SLC24A2: variants seen among roughly 807,000 people sequenced by gnomAD.
The protein encoded by SLC24A2 is sodium/potassium/calcium exchanger 2.
A neutral mutation model predicts 62.0 loss-of-function variants in SLC24A2; 36 were observed. That is an observed-to-expected ratio of 0.58 (90% CI 0.44 to 0.77). The LOEUF (loss-of-function observed/expected upper bound fraction) is 0.77. SLC24A2 is among the 30% of genes least tolerant of loss of function. The pLI is 0.00. For missense variants in SLC24A2, 846 were observed against 817.9 expected (o/e 1.03, Z -0.42); for synonymous variants, 358 against 294.0 (o/e 1.22, Z -2.23).
At chr9:20,159,456 T>C in the SLC24A2 span, among the ~76,000 whole-genome samples, 1 of 151,826 alleles carries the variant, frequency 6.6e-6, no homozygotes, top group East Asian at 1.9e-4. Flanking sequence ...TATTACAGAA[T>C]GAACATATTT....
chr9:20,200,897 C>T, the SLC24A2 span, among the ~76,000 whole-genome samples: 1 of 152,120 alleles, frequency 6.6e-6, no homozygotes, highest in Admixed American at 6.5e-5. Context: ...ATTTGGAGGT[C>T]ACAAGTGTGG....
At chr9:20,086,416 A>T in the SLC24A2 span, among the ~76,000 whole-genome samples, 1 of 152,030 alleles carries the variant, frequency 6.6e-6, no homozygotes, top group South Asian at 2.1e-4. Flanking sequence ...TCCAAGCCCT[A>T]ATGTGTTTGT....
chr9:19,509,018 A>T lies in SLC24A2; in HGVS notation c.*7135T>A, dbSNP rs146391548. On this transcript the variant is annotated 3_prime_UTR_variant, in exon 11 of 11. Transcript: ENST00000341998. ...AATTTAGGCATAAGGAATTATTGAT[A>T]AATTGTATACCTCTATTTCCCATTT... The T allele has an allele frequency of 2.6e-5, 4 of 152,308 alleles. No individual in the cohort carries two copies. Among genetic ancestry groups the T allele is most frequent in the African/African-American group, 9.6e-5 (4 of 41,580 alleles). 9.4% of individuals were successfully genotyped at this position (152,308 alleles called of 1,614,324 possible). A position where few individuals can be genotyped will look rare whatever the true frequency, so the allele number is the denominator to read the frequency against.
chr9:19,588,725 C>T (rs538248218), intron 5 of SLC24A2, among the ~76,000 whole-genome samples: 1 of 152,294 alleles, frequency 6.6e-6, no homozygotes, highest in East Asian at 1.9e-4. Flanking sequence ...CATTGGGAGG[C>T]TGAGTCAGGT....
chr9:20,173,518 G>A, the SLC24A2 span, among the ~76,000 whole-genome samples: 1 of 152,050 alleles, frequency 6.6e-6, no homozygotes, highest in African/African-American at 2.4e-5. Context: ...CAAATCAGTA[G>A]CTCTCCTATA....
intron 2 of SLC24A2, among the ~76,000 whole-genome samples, chr9:19,740,316 G>A (rs1821635396): frequency 1.3e-5 from 2 of 152,084 alleles, no homozygotes; most frequent in Admixed American, 1.3e-4. Flanking sequence ...GTCAAGAGCT[G>A]GAAATAAGCC....
chr9:19,608,111 G>C (rs569637082), intron 4 of SLC24A2, among the ~76,000 whole-genome samples: 1 of 152,274 alleles, frequency 6.6e-6, no homozygotes, highest in South Asian at 2.1e-4. Context: ...TTTTTCTCCA[G>C]TGAAGATTTT....
At chr9:19,521,966 T>C (rs888668982) in intron 9 of SLC24A2, among the ~76,000 whole-genome samples, 1 of 152,070 alleles carries the variant, frequency 6.6e-6, no homozygotes, top group African/African-American at 2.4e-5. Context: ...GCTCCTCCAT[T>C]CTCTTGAGCA....
the SLC24A2 span, among the ~76,000 whole-genome samples, chr9:19,805,710 T>G: frequency 4.0e-5 from 6 of 151,652 alleles, no homozygotes; most frequent in East Asian, 1.9e-4. Flanking sequence ...TGGTTCTTTT[T>G]GAACCTATGA....
At chr9:20,210,629 A>G in the SLC24A2 span, among the ~76,000 whole-genome samples, 3 of 129,000 alleles carry the variant, frequency 2.3e-5, no homozygotes, top group Non-Finnish European at 3.1e-5. Flanking sequence ...GCCCGCCACA[A>G]CGCCCGGCTT....
At chr9:19,707,125 C>T (rs1177786074) in intron 2 of SLC24A2, among the ~76,000 whole-genome samples, 12 of 151,378 alleles carry the variant, frequency 7.9e-5, no homozygotes, top group African/African-American at 2.9e-4. Context: ...ATACTACAAA[C>T]ACCTCTATGC....
the SLC24A2 span, among the ~76,000 whole-genome samples, chr9:20,193,467 C>T: frequency 1.3e-5 from 2 of 151,908 alleles, no homozygotes; most frequent in Non-Finnish European, 2.9e-5. Flanking sequence ...GTGCCAGAAT[C>T]TGGGAAGACT....
At chr9:20,165,923 T>C in the SLC24A2 span, among the ~76,000 whole-genome samples, 2 of 151,896 alleles carry the variant, frequency 1.3e-5, no homozygotes, top group South Asian at 4.1e-4. Context: ...TATAAAGAGC[T>C]TTTTTAAATT....
At chr9:19,774,361 T>C (rs999622321) in intron 2 of SLC24A2, among the ~76,000 whole-genome samples, 2 of 152,252 alleles carry the variant, frequency 1.3e-5, no homozygotes, top group African/African-American at 4.8e-5. Context: ...ATCACACAGC[T>C]AGGAAGGTCT....
At chr9:20,068,779 C>G in the SLC24A2 span, among the ~76,000 whole-genome samples, 1 of 152,120 alleles carries the variant, frequency 6.6e-6, no homozygotes, top group African/African-American at 2.4e-5. Context: ...TGGCCATGCT[C>G]TTTCTCATAC....
the SLC24A2 span, among the ~76,000 whole-genome samples, chr9:19,999,911 A>G: frequency 6.6e-6 from 1 of 152,158 alleles, no homozygotes; most frequent in Non-Finnish European, 1.5e-5. Context: ...CCAAGTGACT[A>G]AAGAGCTAGA....
chr9:19,760,239 C>T lies in SLC24A2; in HGVS notation c.930+25698G>A, dbSNP rs546783500. 2.0e-5 allele frequency among the ~76,000 whole-genome samples: 3 copies of T among 152,196 alleles called. No homozygotes were observed. In the East Asian group the frequency reaches 5.8e-4, roughly 29 times the overall value. On this transcript the variant is annotated intron_variant, in intron 2 of 10. Coordinates refer to ENST00000341998, the MANE Select transcript of SLC24A2 (RefSeq NM_020344.4). The stretch of plus-strand genomic sequence containing the variant: ...TTGTCAGGGCCTTTCCATTTGTGTG[C>T]AGGATCCCCCGCCCATTCCCCATCC...
chr9:19,556,549 AC>A (rs900089681), intron 7 of SLC24A2, among the ~76,000 whole-genome samples: 4 of 152,204 alleles, frequency 2.6e-5, no homozygotes, highest in African/African-American at 7.2e-5. Flanking sequence ...TCACCAGTTC[AC>A]AAGGAGCAAT....
chr9:19,837,783 CAGAG>C, the SLC24A2 span, among the ~76,000 whole-genome samples: 1 of 151,932 alleles, frequency 6.6e-6, no homozygotes, highest in African/African-American at 2.4e-5. Flanking sequence ...AACAGACAAA[CAGAG>C]AGCCAAATCA....
Sources: allele counts gnomAD v4.1 joint callset (sites outside exome capture counted in the v4.1 genomes callset), GRCh38; gene constraint gnomAD v4.1.1; transcripts MANE v1.5; gene names NCBI Gene and HGNC (gene_info 2026-07-23, HGNC 2026-07-21).